Variants in ANKRD12 observed in about 807,000 individuals in gnomAD.
The protein encoded by ANKRD12 is ankyrin repeat domain-containing protein 12.
In ANKRD12, 85 loss-of-function variants were observed where a neutral mutation model predicts 183.4. That is an observed-to-expected ratio of 0.46 (90% CI 0.39 to 0.56). The LOEUF is 0.56. Ranked by LOEUF, ANKRD12 falls within the 20% of genes least tolerant of loss-of-function variation. The pLI is 0.00. For synonymous variants in ANKRD12, 914 were observed against 800.2 expected, an observed-to-expected ratio of 1.14 and a Z score of -2.40; for missense variants, 2,405 against 2,357.1, an observed-to-expected ratio of 1.02 and a Z score of -0.42.
intron 1 of ANKRD12, among the ~76,000 whole-genome samples, chr18:9,153,243 C>T (rs1399653179): frequency 1.3e-5 from 2 of 152,138 alleles, no homozygotes; most frequent in Non-Finnish European, 2.9e-5. Context: ...TTTCGTTAAC[C>T]CTCAGGTATA....
intron 1 of ANKRD12, among the ~76,000 whole-genome samples, chr18:9,170,515 C>A (rs1196962336): frequency 4.6e-5 from 7 of 152,172 alleles, no homozygotes; most frequent in Non-Finnish European, 7.3e-5. Flanking sequence ...GCTGAGACTT[C>A]TGCATTCGTC....
At chr18:9,244,077 T>C (rs968287468) in intron 8 of ANKRD12, among the ~76,000 whole-genome samples, 2 of 152,156 alleles carry the variant, frequency 1.3e-5, no homozygotes, top group Admixed American at 6.5e-5. Context: ...GAGGTTACAG[T>C]GAGCCGAGGT....
intron 8 of ANKRD12, chr18:9,235,665 C>G (rs191524547): frequency 4.4e-6 from 2 of 456,074 alleles, no homozygotes; most frequent in Non-Finnish European, 8.8e-6. Context: ...GCAGGAAATG[C>G]CAAGCTCAGC....
At chr18:9,239,579 G>T in intron 8 of ANKRD12, 1 of 1,225,822 alleles carries the variant, frequency 8.2e-7, no homozygotes, top group Non-Finnish European at 1.1e-6. Context: ...TAAAGATTTT[G>T]GAGTTGCTGA....
chr18:9,251,401 G>T (rs2038290383), intron 8 of ANKRD12, among the ~76,000 whole-genome samples: 1 of 152,208 alleles, frequency 6.6e-6, no homozygotes, highest in Non-Finnish European at 1.5e-5. Context: ...TACAGTCTTA[G>T]TTGCAAATAT....
At chr18:9,151,547 T>C (rs2078686462) in intron 1 of ANKRD12, among the ~76,000 whole-genome samples, 1 of 151,960 alleles carries the variant, frequency 6.6e-6, no homozygotes, top group African/African-American at 2.4e-5. Context: ...AATAGAATCT[T>C]GGACCTCACG....
At chr18:9,211,558 T>G in intron 5 of ANKRD12, 26 bp from the exon 6 acceptor site, 1 of 1,599,864 alleles carries the variant, frequency 6.3e-7, no homozygotes, top group East Asian at 2.2e-5. Flanking sequence ...GCCTAGAACT[T>G]CTGCTAACTT....
At chr18:9,262,733 C>T (rs1335298662) in intron 9 of ANKRD12, among the ~76,000 whole-genome samples, 1 of 151,360 alleles carries the variant, frequency 6.6e-6, no homozygotes, top group Non-Finnish European at 1.5e-5. Flanking sequence ...CTACTTCAGC[C>T]TCCCAAAGTG....
At chr18:9,213,944 TAA>T (rs2035948030) in intron 6 of ANKRD12, among the ~76,000 whole-genome samples, 1 of 152,026 alleles carries the variant, frequency 6.6e-6, no homozygotes, top group African/African-American at 2.4e-5. Flanking sequence ...AAATGATTAT[TAA>T]AAATTATATC....
chr18:9,277,321 CTTTTT>C (rs773999861), intron 11 of ANKRD12, among the ~76,000 whole-genome samples: 2 of 84,650 alleles, frequency 2.4e-5, no homozygotes, highest in African/African-American at 4.7e-5. Context: ...CACCCTGTTT[CTTTTT>C]TTTTTTTTTT....
intron 8 of ANKRD12, chr18:9,239,581 A>T: frequency 8.2e-7 from 1 of 1,221,816 alleles, no homozygotes; most frequent in Non-Finnish European, 1.1e-6. Context: ...AAGATTTTGG[A>T]GTTGCTGAAA....
At chr18:9,165,873 C>CA (rs2032000615) in intron 1 of ANKRD12, among the ~76,000 whole-genome samples, 1 of 131,090 alleles carries the variant, frequency 7.6e-6, no homozygotes, top group Non-Finnish European at 1.6e-5. Context: ...TCCCCCCCTC[C>CA]CCCCACCCCA....
intron 5 of ANKRD12, among the ~76,000 whole-genome samples, chr18:9,210,933 T>C: frequency 6.6e-6 from 1 of 152,016 alleles, no homozygotes; most frequent in Non-Finnish European, 1.5e-5. Context: ...GAATCCTTAA[T>C]TAAGAAACCA....
intron 2 of ANKRD12, among the ~76,000 whole-genome samples, chr18:9,194,162 A>G (rs1598512580): frequency 6.6e-6 from 1 of 152,062 alleles, no homozygotes; most frequent in East Asian, 1.9e-4. Flanking sequence ...CTATGCATCA[A>G]AATTATGTGG....
intron 8 of ANKRD12, among the ~76,000 whole-genome samples, chr18:9,230,218 G>T (rs2036963456): frequency 6.6e-6 from 1 of 152,140 alleles, no homozygotes; most frequent in Admixed American, 6.5e-5. Context: ...TTGGCAGGTT[G>T]TATATTTCCA....
At chr18:9,276,057 G>T (rs936627719) in intron 11 of ANKRD12, among the ~76,000 whole-genome samples, 2 of 152,166 alleles carry the variant, frequency 1.3e-5, no homozygotes, top group African/African-American at 4.8e-5. Flanking sequence ...AAAACAGAGC[G>T]AGTCTTCTGG....
At chr18:9,223,869 A>T (rs1158024470) in intron 8 of ANKRD12, among the ~76,000 whole-genome samples, 1 of 152,326 alleles carries the variant, frequency 6.6e-6, no homozygotes, top group East Asian at 1.9e-4. Flanking sequence ...ACGAGACCAG[A>T]GTTGTTCTGT....
chr18:9,251,058 C>T (rs1182042354), intron 8 of ANKRD12, among the ~76,000 whole-genome samples: 2 of 151,998 alleles, frequency 1.3e-5, no homozygotes, highest in African/African-American at 4.8e-5. Flanking sequence ...ATATATGTGA[C>T]AGTAATATAT....
chr18:9,147,404 A>G (rs1374830730), intron 1 of ANKRD12, among the ~76,000 whole-genome samples: 1 of 152,166 alleles, frequency 6.6e-6, no homozygotes, highest in Non-Finnish European at 1.5e-5. Flanking sequence ...ATTGGCTGCA[A>G]TAGCCTATCT....
Sources: gnomAD v4.1 joint callset for allele counts (sites outside exome capture counted in the v4.1 genomes callset) on GRCh38, gnomAD v4.1.1 for gene constraint, MANE v1.5 for transcripts, NCBI Gene and HGNC (gene_info 2026-07-23, HGNC 2026-07-21) for gene names.